ZNF385B: variants seen among roughly 807,000 people sequenced by gnomAD.
ZNF385B encodes the protein zinc finger protein 385B.
A neutral mutation model predicts 39.2 loss-of-function variants in ZNF385B; 23 were observed. The ratio of observed to expected loss-of-function variants is 0.59; its 90% confidence interval spans 0.42 to 0.83. The LOEUF (loss-of-function observed/expected upper bound fraction) is 0.83. ZNF385B is among the 40% of genes least tolerant of loss of function. The probability of loss-of-function intolerance (pLI) is 0.00; values close to 1 mark genes in which losing one functional copy is unlikely to be tolerated. For missense variants in ZNF385B, 552 were observed against 598.9 expected (o/e 0.92, Z 0.82); for synonymous variants, 205 against 222.6 (o/e 0.92, Z 0.70).
At chr2:179,572,214 G>A (rs1028603450) in intron 3 of ZNF385B, among the ~76,000 whole-genome samples, 15 of 152,000 alleles carry the variant, frequency 9.9e-5, no homozygotes, top group African/African-American at 3.6e-4. Context: ...AGATATTTAT[G>A]AATAAAAAAA....
chr2:179,776,023 T>G (rs1231888765), intron 1 of ZNF385B, among the ~76,000 whole-genome samples: 3 of 152,230 alleles, frequency 2.0e-5, no homozygotes, highest in Non-Finnish European at 2.9e-5. Flanking sequence ...TGCAAGAACA[T>G]GACCACATCT....
At chr2:179,524,824 T>C (rs990938870) in intron 4 of ZNF385B, among the ~76,000 whole-genome samples, 3 of 152,134 alleles carry the variant, frequency 2.0e-5, no homozygotes, top group Admixed American at 6.5e-5. Context: ...CCCCCACCCA[T>C]ACTTTGGGTT....
intron 3 of ZNF385B, among the ~76,000 whole-genome samples, chr2:179,755,291 G>A (rs533739373): frequency 6.6e-6 from 1 of 152,354 alleles, no homozygotes; most frequent in Admixed American, 6.5e-5. Context: ...ACTGTGGTCT[G>A]AGAGACAGTT....
At chr2:179,532,814 T>C (rs1338732248) in intron 4 of ZNF385B, among the ~76,000 whole-genome samples, 1 of 152,198 alleles carries the variant, frequency 6.6e-6, no homozygotes, top group Admixed American at 6.5e-5. Flanking sequence ...AATATCACAA[T>C]GTCAGTTGTT....
At chr2:179,840,336 A>G (rs1003135467) in intron 1 of ZNF385B, among the ~76,000 whole-genome samples, 19 of 152,318 alleles carry the variant, frequency 1.2e-4, no homozygotes, top group Admixed American at 3.9e-4. Flanking sequence ...TCAAGAAGAC[A>G]TTGACAGGGA....
chr2:179,513,487 C>G (rs747531032), intron 5 of ZNF385B, among the ~76,000 whole-genome samples: 4 of 152,138 alleles, frequency 2.6e-5, no homozygotes, highest in African/African-American at 7.2e-5. Flanking sequence ...TTAGTAAGTA[C>G]AAAGAAAATG....
At chr2:179,449,887 C>T (rs2049910896) in intron 6 of ZNF385B, among the ~76,000 whole-genome samples, 1 of 151,876 alleles carries the variant, frequency 6.6e-6, no homozygotes, top group African/African-American at 2.4e-5. Context: ...CAGCATGGTA[C>T]TGGTACCAAA....
chr2:179,448,892 T>C (rs1447981946), intron 6 of ZNF385B, among the ~76,000 whole-genome samples: 1 of 152,144 alleles, frequency 6.6e-6, no homozygotes, highest in African/African-American at 2.4e-5. Context: ...TTAAAGTATA[T>C]TTATTTGGCG....
chr2:179,648,171 G>A (rs146141182), intron 3 of ZNF385B, among the ~76,000 whole-genome samples: 2 of 152,158 alleles, frequency 1.3e-5, no homozygotes, highest in African/African-American at 2.4e-5. Context: ...GAATAGAGAG[G>A]ACTTCCACAT....
At chr2:179,520,820 A>C (rs1559393985) in intron 4 of ZNF385B, among the ~76,000 whole-genome samples, 1 of 152,168 alleles carries the variant, frequency 6.6e-6, no homozygotes, top group African/African-American at 2.4e-5. Context: ...TATTTTCATT[A>C]TTTTTTGCCA....
At chr2:179,817,649 C>A (rs994853298) in intron 1 of ZNF385B, among the ~76,000 whole-genome samples, 1 of 146,750 alleles carries the variant, frequency 6.8e-6, no homozygotes, top group South Asian at 2.2e-4. Context: ...ACATCACTGT[C>A]TGTGTGTGTA....
chr2:179,845,833 G>A (rs1708773019), intron 1 of ZNF385B, among the ~76,000 whole-genome samples: 1 of 152,222 alleles, frequency 6.6e-6, no homozygotes, highest in Non-Finnish European at 1.5e-5. Flanking sequence ...TGTTTAAGGT[G>A]GTCTGGATAT....
rs181749696 is a variant in ZNF385B at position 179,496,772 on chromosome 2, G to A, written c.553-13338C>T. On this transcript the variant is annotated intron_variant, in intron 5 of 9. Coordinates refer to ENST00000410066, the MANE Select transcript of ZNF385B (RefSeq NM_152520.6). Reference sequence around the variant, plus strand: ...TCCTTCAAACATGATGGAGAGGCCAGGAGTGTTGGCTCATGCCTGTAATCT... The same window carrying A: ...TCCTTCAAACATGATGGAGAGGCCAAGAGTGTTGGCTCATGCCTGTAATCT... Among the ~76,000 whole-genome samples, 269 of 152,294 alleles carry A rather than the reference G, an allele frequency of 1.8e-3. 3 individuals are homozygous for A. The highest frequency in any genetic ancestry group is 6.2e-3 in the African/African-American group (258 of 41,548).
intron 1 of ZNF385B, among the ~76,000 whole-genome samples, chr2:179,829,042 T>C (rs2106593593): frequency 6.6e-6 from 1 of 151,678 alleles, no homozygotes; most frequent in South Asian, 2.1e-4. Flanking sequence ...AAAAAAAAGT[T>C]TTAAGAGAGC....
chr2:179,791,588 T>A (rs758348609), intron 1 of ZNF385B, among the ~76,000 whole-genome samples: 14 of 152,156 alleles, frequency 9.2e-5, no homozygotes, highest in African/African-American at 1.4e-4. Flanking sequence ...TTGTCTTAAG[T>A]GTGAAATTTA....
intron 6 of ZNF385B, among the ~76,000 whole-genome samples, chr2:179,481,881 G>C (rs753120291): frequency 6.6e-6 from 1 of 152,016 alleles, no homozygotes; most frequent in African/African-American, 2.4e-5. Context: ...TTGCAATTTT[G>C]AAAAATAGAG....
At chr2:179,791,968 G>A (rs189027254) in intron 1 of ZNF385B, among the ~76,000 whole-genome samples, 136 of 152,206 alleles carry the variant, frequency 8.9e-4, no homozygotes, top group African/African-American at 2.8e-3. Flanking sequence ...CACCATGTTG[G>A]CCAGGCTGGT....
intron 3 of ZNF385B, among the ~76,000 whole-genome samples, chr2:179,696,072 G>A: frequency 6.6e-6 from 1 of 152,132 alleles, no homozygotes; most frequent in East Asian, 1.9e-4. Flanking sequence ...AATCTATAGA[G>A]ACAGAAAGAT....
intron 4 of ZNF385B, among the ~76,000 whole-genome samples, chr2:179,536,124 C>T (rs1053556674): frequency 2.6e-5 from 4 of 152,020 alleles, no homozygotes; most frequent in African/African-American, 9.7e-5. Flanking sequence ...GCTTGGCTAC[C>T]ATACCACAGA....
Sources: gnomAD v4.1 joint callset for allele counts (sites outside exome capture counted in the v4.1 genomes callset) on GRCh38, gnomAD v4.1.1 for gene constraint, MANE v1.5 for transcripts, NCBI Gene and HGNC (gene_info 2026-07-23, HGNC 2026-07-21) for gene names.